PDE4D: variants seen among roughly 807,000 people sequenced by gnomAD.
PDE4D encodes 3',5'-cyclic-AMP phosphodiesterase 4D.
In PDE4D, 24 loss-of-function variants were observed where a neutral mutation model predicts 87.4. The observed-to-expected ratio is 0.27, with a 90% CI of 0.20 to 0.39. PDE4D has a LOEUF of 0.39. Ranked by LOEUF, PDE4D falls within the 10% of genes least tolerant of loss-of-function variation. PDE4D has a pLI of 1.00. For synonymous variants in PDE4D, 384 were observed against 383.2 expected (o/e 1.00, Z -0.02); for missense variants, 714 against 1,041.0 (o/e 0.69, Z 4.32).
chr5:59,743,945 T>C (rs910797028), intron 1 of PDE4D, among the ~76,000 whole-genome samples: 3 of 152,096 alleles, frequency 2.0e-5, no homozygotes, highest in African/African-American at 4.8e-5. Context: ...AAACAAAAGA[T>C]GACAGACAGA....
At chr5:60,012,031 G>A (rs573546738) in intron 2 of PDE4D, among the ~76,000 whole-genome samples, 60 of 152,032 alleles carry the variant, frequency 3.9e-4, no homozygotes, top group African/African-American at 1.4e-3. Flanking sequence ...CATGAAAGTA[G>A]GACTCATATA....
intron 2 of PDE4D, among the ~76,000 whole-genome samples, chr5:60,008,369 T>C (rs1350391032): frequency 9.2e-5 from 14 of 152,024 alleles, no homozygotes; most frequent in East Asian, 1.9e-4. Context: ...CAGAAATCTA[T>C]ATTTAATGAG....
intron 3 of PDE4D, among the ~76,000 whole-genome samples, chr5:59,939,976 C>T (rs1347783079): frequency 6.6e-6 from 1 of 152,136 alleles, no homozygotes; most frequent in Non-Finnish European, 1.5e-5. Context: ...TTTTATTACT[C>T]ATACAAGTGG....
chr5:59,335,297 C>T (rs1296786290), intron 1 of PDE4D, among the ~76,000 whole-genome samples: 1 of 152,078 alleles, frequency 6.6e-6, no homozygotes, highest in Non-Finnish European at 1.5e-5. Context: ...GAACCAACTC[C>T]AAGAAGCAAT....
chr5:58,984,706 G>C (rs1313512669), intron 11 of PDE4D, among the ~76,000 whole-genome samples: 1 of 152,158 alleles, frequency 6.6e-6, no homozygotes, highest in African/African-American at 2.4e-5. Flanking sequence ...CGCATGCTTT[G>C]AATGCATCAC....
At chr5:59,673,387 C>T (rs992836450) in intron 1 of PDE4D, among the ~76,000 whole-genome samples, 1 of 152,226 alleles carries the variant, frequency 6.6e-6, no homozygotes, top group East Asian at 1.9e-4. Context: ...AGAGACCTTC[C>T]GAATTACCTC....
chr5:60,433,305 C>A (rs1172608630), intron 1 of PDE4D, among the ~76,000 whole-genome samples: 2 of 152,072 alleles, frequency 1.3e-5, no homozygotes, highest in East Asian at 1.9e-4. Context: ...ACACGGCCAA[C>A]AAGCATATGA....
intron 1 of PDE4D, among the ~76,000 whole-genome samples, chr5:59,447,349 G>A (rs1798497368): frequency 6.6e-6 from 1 of 152,190 alleles, no homozygotes; most frequent in South Asian, 2.1e-4. Flanking sequence ...TGAGTGTAGG[G>A]AAGGTAAAGA....
chr5:60,000,790 G>A (rs1359351508), intron 2 of PDE4D, among the ~76,000 whole-genome samples: 1 of 152,168 alleles, frequency 6.6e-6, no homozygotes, highest in East Asian at 1.9e-4. Flanking sequence ...TAAATGGGCA[G>A]AGATATAAAG....
intron 5 of PDE4D, among the ~76,000 whole-genome samples, chr5:59,094,216 CAAAAAAAAAAAAA>C (rs1164383460): frequency 1.4e-3 from 20 of 14,558 alleles, no homozygotes; most frequent in South Asian, 4.9e-3. Context: ...GACTCCGTCT[CAAAAAAAAAAAAA>C]AAAAAAAAAA....
chr5:60,297,154 G>T (rs900316009), intron 1 of PDE4D, among the ~76,000 whole-genome samples: 5 of 152,136 alleles, frequency 3.3e-5, no homozygotes. Context: ...AAATGTACCT[G>T]CTTCTCTTTT....
chr5:60,022,358 G>A (rs1766151542), intron 2 of PDE4D, among the ~76,000 whole-genome samples: 1 of 152,102 alleles, frequency 6.6e-6, no homozygotes, highest in South Asian at 2.1e-4. Context: ...TTATAACAGA[G>A]GAGTATTCCT....
chr5:60,062,822 A>G (rs905267484), intron 2 of PDE4D, among the ~76,000 whole-genome samples: 6 of 152,074 alleles, frequency 3.9e-5, no homozygotes, highest in Admixed American at 6.6e-5. Flanking sequence ...GGATCAGAAA[A>G]GCAAACAGAA....
At chr5:59,827,156 C>T (rs1015221935) in intron 1 of PDE4D, among the ~76,000 whole-genome samples, 8 of 151,960 alleles carry the variant, frequency 5.3e-5, no homozygotes, top group South Asian at 4.2e-4. Context: ...CCAATGAACA[C>T]GAGATAGAAA....
intron 2 of PDE4D, among the ~76,000 whole-genome samples, chr5:60,087,571 C>A (rs577177122): frequency 1.3e-3 from 191 of 151,750 alleles, no homozygotes; most frequent in African/African-American, 4.4e-3. Context: ...AGAGAGCAAA[C>A]AAATTTTAGA....
chr5:59,001,909 C>T, intron 6 of PDE4D: 2 of 302,590 alleles, frequency 6.6e-6, no homozygotes, highest in Non-Finnish European at 1.3e-5. Context: ...TCATGTGCGT[C>T]AGACACTGTC....
At position 60,425,947 on chromosome 5, in the gene PDE4D, T is replaced by C. The variant is rs945583266; in HGVS notation, c.-90+61995A>G. Among the ~76,000 whole-genome samples, 15 of 152,208 alleles carry C rather than the reference T, an allele frequency of 9.9e-5. 1 individual carries two copies. Among genetic ancestry groups the C allele is most frequent in the African/African-American group, 3.4e-4 (14 of 41,446 alleles). ...CACATGAAAAAATGCTCATCATCAC[T>C]GGTCATCAGAGAAATGCAAATCAAA... On this transcript the variant is annotated intron_variant, in intron 1 of 16. Coordinates refer to the PDE4D transcript ENST00000502484.
At chr5:60,074,001 T>G (rs924904868) in intron 2 of PDE4D, among the ~76,000 whole-genome samples, 3 of 152,076 alleles carry the variant, frequency 2.0e-5, no homozygotes, top group Non-Finnish European at 2.9e-5. Context: ...ATCTTTTGAA[T>G]GGCTTTTCAT....
At chr5:60,379,027 A>T (rs1761652975) in intron 1 of PDE4D, among the ~76,000 whole-genome samples, 1 of 152,106 alleles carries the variant, frequency 6.6e-6, no homozygotes, top group African/African-American at 2.4e-5. Context: ...GGCAGCAATA[A>T]AGGTCCTACA....
Sources: gnomAD v4.1 joint callset for allele counts (sites outside exome capture counted in the v4.1 genomes callset) on GRCh38, gnomAD v4.1.1 for gene constraint, MANE v1.5 for transcripts, NCBI Gene and HGNC (gene_info 2026-07-23, HGNC 2026-07-21) for gene names.